The following CHCHD6 variants were observed in gnomAD, a reference collection of about 807,000 sequenced individuals.
CHCHD6 encodes MICOS complex subunit MIC25.
Under a neutral mutation model 32.3 loss-of-function variants are expected in CHCHD6, and 28 were observed. The observed-to-expected ratio is 0.87, with a 90% CI of 0.64 to 1.19. The LOEUF (loss-of-function observed/expected upper bound fraction) is 1.19, where lower values mean the gene tolerates loss of function less well. Ranked by LOEUF, CHCHD6 falls within the 50% of genes most tolerant of loss-of-function variation. CHCHD6 has a pLI of 0.00. For missense variants in CHCHD6, 333 were observed against 307.0 expected (o/e 1.08, Z -0.63); for synonymous variants, 122 against 117.5 (o/e 1.04, Z -0.25).
chr3:126,914,598 A>G, intron 5 of CHCHD6, 82 bp from the exon 6 acceptor site: 1 of 807,268 alleles, frequency 1.2e-6, no homozygotes, highest in East Asian at 2.4e-5. Flanking sequence ...AGCATCTGTC[A>G]ATTTCTAATG....
At chr3:126,860,012 CAGTG>C (rs1489523014) in intron 5 of CHCHD6, among the ~76,000 whole-genome samples, 1 of 152,006 alleles carries the variant, frequency 6.6e-6, no homozygotes, top group Non-Finnish European at 1.5e-5. Context: ...GACACGTGCT[CAGTG>C]AGGGGTGTGT....
chr3:126,863,311 T>TCTA (rs1942032214), intron 5 of CHCHD6, among the ~76,000 whole-genome samples: 2 of 65,350 alleles, frequency 3.1e-5, no homozygotes, highest in African/African-American at 1.2e-4. Context: ...CTCCTCCTCC[T>TCTA]CCATCACCAC....
chr3:126,916,580 G>T (rs73207644), intron 6 of CHCHD6, among the ~76,000 whole-genome samples: 2,916 of 152,282 alleles, frequency 0.019, 47 homozygotes, highest in Middle Eastern at 0.058. Flanking sequence ...AAGCACCAAG[G>T]CTGCCTGCAT....
intron 4 of CHCHD6, among the ~76,000 whole-genome samples, chr3:126,741,477 G>C (rs1330940656): frequency 6.6e-6 from 1 of 152,108 alleles, no homozygotes; most frequent in African/African-American, 2.4e-5. Flanking sequence ...ATGCCATGGA[G>C]CATCCTAGAG....
chr3:126,952,804 G>A (rs1576645905), intron 6 of CHCHD6, among the ~76,000 whole-genome samples: 3 of 152,200 alleles, frequency 2.0e-5, no homozygotes, highest in Admixed American at 2.0e-4. Flanking sequence ...CTCAGGCACA[G>A]GGGTTGGGAA....
At chr3:126,790,343 G>A (rs1250581664) in intron 4 of CHCHD6, among the ~76,000 whole-genome samples, 1 of 152,132 alleles carries the variant, frequency 6.6e-6, no homozygotes, top group Non-Finnish European at 1.5e-5. Context: ...GGTGTTCTCT[G>A]TATTTCCTGA....
chr3:126,791,182 A>C (rs1467000364), intron 4 of CHCHD6, among the ~76,000 whole-genome samples: 4 of 152,206 alleles, frequency 2.6e-5, no homozygotes, highest in Non-Finnish European at 4.4e-5. Context: ...GTTCCTCTGG[A>C]AGTTTCATCT....
intron 5 of CHCHD6, among the ~76,000 whole-genome samples, chr3:126,901,827 G>A (rs1207854008): frequency 1.3e-5 from 2 of 152,322 alleles, no homozygotes; most frequent in East Asian, 3.9e-4. Flanking sequence ...GTGACCACAC[G>A]AGTGAAAGTG....
At chr3:126,748,871 C>A (rs979304117) in intron 4 of CHCHD6, among the ~76,000 whole-genome samples, 8 of 152,158 alleles carry the variant, frequency 5.3e-5, no homozygotes, top group Non-Finnish European at 5.9e-5. Context: ...ACTGGAGCCC[C>A]TGGTCCAGTT....
At chr3:126,749,289 A>G (rs543456098) in intron 4 of CHCHD6, among the ~76,000 whole-genome samples, 2 of 152,164 alleles carry the variant, frequency 1.3e-5, no homozygotes, top group East Asian at 3.9e-4. Flanking sequence ...CAGGACTCCC[A>G]AGGGCCCTTC....
At chr3:126,876,510 T>C (rs1051458194) in intron 5 of CHCHD6, among the ~76,000 whole-genome samples, 2 of 152,260 alleles carry the variant, frequency 1.3e-5, no homozygotes, top group Admixed American at 1.3e-4. Flanking sequence ...TTTTTTAAAG[T>C]GTGGTGAGGT....
intron 4 of CHCHD6, among the ~76,000 whole-genome samples, chr3:126,810,609 G>T (rs1386164303): frequency 1.3e-5 from 2 of 152,196 alleles, no homozygotes; most frequent in African/African-American, 4.8e-5. Context: ...AAGTCAAATT[G>T]TTTCAAGTTT....
chr3:126,852,956 C>T (rs1419157399), intron 5 of CHCHD6, among the ~76,000 whole-genome samples: 3 of 152,178 alleles, frequency 2.0e-5, no homozygotes, highest in African/African-American at 2.4e-5. Flanking sequence ...TTGTCTCCCC[C>T]TGCCCCACCT....
chr3:126,726,645 C>G (rs1576342391), intron 1 of CHCHD6, among the ~76,000 whole-genome samples: 1 of 152,186 alleles, frequency 6.6e-6, no homozygotes, highest in Non-Finnish European at 1.5e-5. Context: ...GAGGAGCAGC[C>G]TTCCCTGGAG....
Position 126,750,128 on chromosome 3 carries a change from G to A in CHCHD6, c.411+16906G>A, listed in dbSNP as rs545340051. Among the ~76,000 whole-genome samples, 11 of 152,266 alleles carry A rather than the reference G, an allele frequency of 7.2e-5. 1 individual carries two copies. The South Asian group carries it at 1.7e-3, about 23-fold the overall frequency. On this transcript the variant is annotated intron_variant, in intron 4 of 7. Coordinates refer to ENST00000290913, the MANE Select transcript of CHCHD6 (RefSeq NM_032343.3). ...GCTTGAATCATTTACAAAACATTGC[G>A]CAATTGGGATAGCTGCTCAGTTCTC...
intron 4 of CHCHD6, among the ~76,000 whole-genome samples, chr3:126,801,787 C>T (rs1056459927): frequency 2.0e-5 from 3 of 152,230 alleles, no homozygotes; most frequent in African/African-American, 4.8e-5. Flanking sequence ...CCCTGACCCC[C>T]GAGCAGCCTA....
At chr3:126,888,958 C>T (rs939464230) in intron 5 of CHCHD6, among the ~76,000 whole-genome samples, 31 of 152,260 alleles carry the variant, frequency 2.0e-4, no homozygotes, top group Non-Finnish European at 2.9e-5. Context: ...CACAGCAGGC[C>T]TTCCGGTTGT....
At chr3:126,815,643 GCC>G (rs11341202) in intron 4 of CHCHD6, among the ~76,000 whole-genome samples, 13,937 of 127,434 alleles carry the variant, frequency 0.11, 705 homozygotes, top group Middle Eastern at 0.15. Flanking sequence ...GTGGGTTCTT[GCC>G]CCCCCCCCCC....
At chr3:126,872,120 T>C (rs1283006816) in intron 5 of CHCHD6, among the ~76,000 whole-genome samples, 1 of 152,116 alleles carries the variant, frequency 6.6e-6, no homozygotes, top group Non-Finnish European at 1.5e-5. Flanking sequence ...TCTGGAGACA[T>C]ATTTGGTTGT....
Sources: allele counts gnomAD v4.1 joint callset (sites outside exome capture counted in the v4.1 genomes callset), GRCh38; gene constraint gnomAD v4.1.1; transcripts MANE v1.5; gene names NCBI Gene and HGNC (gene_info 2026-07-23, HGNC 2026-07-21).